DYM: variants seen among roughly 807,000 people sequenced by gnomAD.
DYM encodes the protein dyggve-Melchior-Clausen syndrome protein.
A neutral mutation model predicts 93.1 loss-of-function variants in DYM; 78 were observed. That is an observed-to-expected ratio of 0.84 (90% CI 0.70 to 1.01). The LOEUF (loss-of-function observed/expected upper bound fraction) is 1.01, where lower values mean the gene tolerates loss of function less well. Ranked by LOEUF, DYM falls within the 50% of genes least tolerant of loss-of-function variation. The probability of loss-of-function intolerance (pLI) is 0.00; values close to 1 mark genes in which losing one functional copy is unlikely to be tolerated. For missense variants in DYM, 789 were observed against 845.0 expected, an observed-to-expected ratio of 0.93 and a Z score of 0.82; for synonymous variants, 321 against 319.7, an observed-to-expected ratio of 1.00 and a Z score of -0.04.
At chr18:49,108,315 T>G (rs2081060589) in intron 16 of DYM, among the ~76,000 whole-genome samples, 1 of 152,218 alleles carries the variant, frequency 6.6e-6, no homozygotes, top group African/African-American at 2.4e-5. Flanking sequence ...ACCCCTTTCT[T>G]TGACTAGGAA....
At chr18:49,422,339 G>C (rs36126487) in intron 2 of DYM, among the ~76,000 whole-genome samples, 1 of 152,004 alleles carries the variant, frequency 6.6e-6, no homozygotes, top group African/African-American at 2.4e-5. Flanking sequence ...GAAGAGAGTG[G>C]GGGACAATAG....
intron 15 of DYM, among the ~76,000 whole-genome samples, chr18:49,161,379 C>T (rs1292394708): frequency 2.0e-5 from 3 of 152,160 alleles, no homozygotes; most frequent in Admixed American, 6.6e-5. Context: ...AAGAAGAATG[C>T]TACTAAGGCA....
At chr18:49,343,703 C>T (rs2147050182) in intron 6 of DYM, among the ~76,000 whole-genome samples, 1 of 152,294 alleles carries the variant, frequency 6.6e-6, no homozygotes, top group African/African-American at 2.4e-5. Flanking sequence ...GAAATTAATA[C>T]TATTTTACCA....
intron 14 of DYM, among the ~76,000 whole-genome samples, chr18:49,164,739 C>A (rs2087645914): frequency 6.6e-6 from 1 of 152,078 alleles, no homozygotes; most frequent in South Asian, 2.1e-4. Flanking sequence ...ATTTTGGGGA[C>A]CATAACAGAC....
chr18:49,412,214 A>G (rs981931531), intron 2 of DYM, among the ~76,000 whole-genome samples: 2 of 147,874 alleles, frequency 1.4e-5, no homozygotes, highest in African/African-American at 5.0e-5. Flanking sequence ...TTATTTTCCC[A>G]AGAAAGAGAA....
intron 15 of DYM, among the ~76,000 whole-genome samples, chr18:49,147,255 C>G (rs567655172): frequency 0.025 from 3,821 of 151,968 alleles, 156 homozygotes; most frequent in African/African-American, 0.086. Context: ...AGAAGAAAAC[C>G]TAGGCAATAC....
At chr18:49,430,178 A>AT (rs201374511) in intron 2 of DYM, 77 bp downstream of exon 2, 240 of 1,377,950 alleles carry the variant, frequency 1.7e-4, no homozygotes, top group Non-Finnish European at 2.2e-4. Flanking sequence ...ACATTTCTAA[A>AT]TTTTTTTTTA....
intron 17 of DYM, among the ~76,000 whole-genome samples, chr18:49,082,101 C>T (rs1237241518): frequency 6.6e-6 from 1 of 152,250 alleles, no homozygotes; most frequent in Non-Finnish European, 1.5e-5. Context: ...CTTCTACTCT[C>T]TTCAGCATTC....
rs2079491623 is a variant in DYM, at chr18:49,095,819, A to G, written c.2025+1583T>C. On this transcript the variant is annotated intron_variant, in intron 17 of 17. Coordinates refer to ENST00000675505, the MANE Select transcript of DYM (RefSeq NM_001353214.3). ...TCCAGCACTTAGCCTGCACACTGTA[A>G]TTCATTTTGCTTTAAGGTAAGTATT... Among the ~76,000 whole-genome samples the G allele has an allele frequency of 3.3e-5, 5 of 152,298 alleles. No individual in the cohort carries two copies. In the South Asian group the frequency reaches 1.0e-3, roughly 32 times the overall value.
At chr18:49,399,735 T>A (rs946725054) in intron 2 of DYM, among the ~76,000 whole-genome samples, 3 of 151,946 alleles carry the variant, frequency 2.0e-5, no homozygotes, top group African/African-American at 7.3e-5. Flanking sequence ...TCCTTGTTCA[T>A]CACAGTATTC....
intron 8 of DYM, chr18:49,329,754 G>A (rs1462118597): frequency 1.3e-5 from 2 of 152,228 alleles, no homozygotes; most frequent in East Asian, 1.9e-4. Flanking sequence ...TGCACACACT[G>A]CTATGAAAAG....
chr18:49,050,466 T>C (rs1568342038), intron 17 of DYM, among the ~76,000 whole-genome samples: 2 of 152,138 alleles, frequency 1.3e-5, no homozygotes, highest in Non-Finnish European at 2.9e-5. Context: ...GGGTTTACCA[T>C]CTATGAAGGG....
chr18:49,393,816 A>C (rs1017608468), intron 2 of DYM: 2 of 152,088 alleles, frequency 1.3e-5, no homozygotes, highest in African/African-American at 4.8e-5. Flanking sequence ...TAAAATAGGG[A>C]ATTTCAATAT....
chr18:49,055,989 A>G (rs16950303), intron 17 of DYM, among the ~76,000 whole-genome samples: 17,795 of 152,100 alleles, frequency 0.12, 1,462 homozygotes, highest in East Asian at 0.26. Flanking sequence ...AGGTGGTGAC[A>G]CTGCCACGGC....
chr18:49,128,738 T>C (rs773294724), intron 15 of DYM, among the ~76,000 whole-genome samples: 12 of 152,166 alleles, frequency 7.9e-5, no homozygotes. Context: ...TAGAAACGTA[T>C]TCAGGGTAAC....
At chr18:49,409,283 C>CAAAAAAAAA (rs200898948) in intron 2 of DYM, among the ~76,000 whole-genome samples, 19 of 62,818 alleles carry the variant, frequency 3.0e-4, no homozygotes, top group Non-Finnish European at 4.7e-4. Context: ...GACTCTGTCT[C>CAAAAAAAAA]AAAAAAAAAA....
intron 17 of DYM, among the ~76,000 whole-genome samples, chr18:49,055,739 A>G (rs2075413027): frequency 6.6e-6 from 1 of 152,256 alleles, no homozygotes; most frequent in Admixed American, 6.5e-5. Context: ...ACGAAAGCAC[A>G]GCAGCATGCT....
At chr18:49,259,545 G>A (rs149471636) in intron 11 of DYM, among the ~76,000 whole-genome samples, 127 of 152,248 alleles carry the variant, frequency 8.3e-4, no homozygotes, top group Non-Finnish European at 1.4e-3. Context: ...TGCAGTAGAC[G>A]TTGGAATCTG....
At chr18:49,353,352 C>A (rs1471406030) in intron 6 of DYM, among the ~76,000 whole-genome samples, 1 of 151,908 alleles carries the variant, frequency 6.6e-6, no homozygotes, top group Non-Finnish European at 1.5e-5. Flanking sequence ...CTTTTGTGTA[C>A]TTCCTACAAA....
Sources: gnomAD v4.1 joint callset for allele counts (sites outside exome capture counted in the v4.1 genomes callset) on GRCh38, gnomAD v4.1.1 for gene constraint, MANE v1.5 for transcripts, NCBI Gene and HGNC (gene_info 2026-07-23, HGNC 2026-07-21) for gene names.